The following ABCA6 variants were observed in gnomAD, a reference collection of about 807,000 sequenced individuals.
ABCA6 encodes ATP-binding cassette sub-family A member 6.
ABCA6 carries 164 observed loss-of-function variants against 191.2 expected under a neutral mutation model. That is an observed-to-expected ratio of 0.86 (90% CI 0.76 to 0.98). The LOEUF is 0.98. Among genes scored for constraint, ABCA6 ranks in the 50% least tolerant of loss-of-function variants. The pLI, the probability that ABCA6 is intolerant of heterozygous loss-of-function variation, is 0.00. For missense variants in ABCA6, 1,958 were observed against 1,894.1 expected (o/e 1.03, Z -0.63); for synonymous variants, 636 against 647.7 (o/e 0.98, Z 0.27).
At chr17:69,083,517 T>C (rs926726651) in intron 34 of ABCA6, among the ~76,000 whole-genome samples, 186 bp from the exon 35 acceptor site, 1 of 152,260 alleles carries the variant, frequency 6.6e-6, no homozygotes, top group Non-Finnish European at 1.5e-5. Context: ...AATCATATTG[T>C]AGTTGAGTTA....
chr17:69,126,033 C>G (rs1598052481), intron 8 of ABCA6, among the ~76,000 whole-genome samples: 1 of 152,012 alleles, frequency 6.6e-6, no homozygotes, highest in African/African-American at 2.4e-5. Flanking sequence ...CATTATTGTA[C>G]TAGAGGTCCG....
At position 69,128,748 on chromosome 17, in the gene ABCA6, C is replaced by T. The variant is rs747168111; in HGVS notation, c.990G>A (p.Leu330=). 6.2e-7 allele frequency: 1 copy of T among 1,611,656 alleles called. No homozygotes were observed. The highest frequency in any genetic ancestry group is 1.1e-5 in the South Asian group (1 of 90,692). The stretch of plus-strand genomic sequence containing the variant: ...AAAAGAGGGTAAGGAGAAACACAAC[C>T]AAATTGGTGAGGACAGCTTTCTTTA... The part of the protein sequence containing the change: ...VLLKKAVLTN[L]VVFLLTLFWG... The change falls in exon 8 of 39, where the codon TTG becomes TTA. Residue 330 remains leucine, a synonymous_variant. Coordinates refer to ENST00000284425, the MANE Select transcript of ABCA6 (RefSeq NM_080284.3).
intron 20 of ABCA6, among the ~76,000 whole-genome samples, chr17:69,103,694 C>T (rs1179708833): frequency 6.6e-6 from 1 of 152,004 alleles, no homozygotes; most frequent in African/African-American, 2.4e-5. Flanking sequence ...TGCTCTGAAG[C>T]TATAGTCAGG....
intron 22 of ABCA6, 29 bp downstream of exon 22, chr17:69,100,768 T>A: frequency 6.4e-7 from 1 of 1,565,374 alleles, no homozygotes; most frequent in African/African-American, 1.4e-5. Context: ...AATTCTTAAT[T>A]GTTTAGACTC....
intron 35 of ABCA6, 57 bp downstream of exon 35, chr17:69,083,155 C>A: frequency 6.4e-7 from 1 of 1,561,242 alleles, no homozygotes; most frequent in Non-Finnish European, 8.6e-7. Flanking sequence ...GATTTTTGCC[C>A]TTTCCATGGG....
intron 2 of ABCA6, among the ~76,000 whole-genome samples, chr17:69,139,877 C>T (rs1163556213): frequency 6.9e-6 from 1 of 144,242 alleles, no homozygotes; most frequent in African/African-American, 2.6e-5. Context: ...TGTTCTCACT[C>T]ATAGATGGCA....
At chr17:69,112,311 G>T (rs760239985) in intron 15 of ABCA6, 38 bp from the exon 16 acceptor site, 32 of 1,507,224 alleles carry the variant, frequency 2.1e-5, no homozygotes, top group Non-Finnish European at 6.4e-6. Context: ...GATATTGGGG[G>T]TCATTTCTTC....
In ABCA6 at chr17:69,091,747, C is replaced by T. The variant is rs563146569; in HGVS notation, c.3409-485G>A. On this transcript the variant is annotated intron_variant, in intron 25 of 38. Coordinates refer to ENST00000284425, the MANE Select transcript of ABCA6 (RefSeq NM_080284.3). Reference sequence around the variant, plus strand: ...CCGTTTTAGCCGGGATGGTCTCGATCTCCTGACCTCGTGATCCGCCCGCCT... The same window carrying T: ...CCGTTTTAGCCGGGATGGTCTCGATTTCCTGACCTCGTGATCCGCCCGCCT... 2.0e-3 allele frequency among the ~76,000 whole-genome samples: 43 copies of T among 20,998 alleles called. 17 individuals carry two copies. Among genetic ancestry groups the T allele is most frequent in the Admixed American group, 0.014 (37 of 2,738 alleles). The allele number at this position is 20,998 out of a possible 152,430, so 13.8% of individuals were successfully genotyped here.
chr17:69,098,132 A>G (rs1480404567), intron 22 of ABCA6, 105 bp from the exon 23 acceptor site: 2 of 777,098 alleles, frequency 2.6e-6, no homozygotes, highest in Non-Finnish European at 1.9e-6. Context: ...ATCAAAGTAA[A>G]GGTGTAGCTC....
chr17:69,133,521 C>T, intron 6 of ABCA6, 120 bp downstream of exon 6: 1 of 763,644 alleles, frequency 1.3e-6, no homozygotes, highest in Non-Finnish European at 2.1e-6. Flanking sequence ...AAACTCAGAA[C>T]AAAAGAAAAA....
intron 6 of ABCA6, 77 bp downstream of exon 6, chr17:69,133,564 T>C: frequency 1.8e-6 from 2 of 1,107,242 alleles, no homozygotes; most frequent in Non-Finnish European, 2.6e-6. Context: ...ACCATGATGC[T>C]CTGAAACAAT....
intron 4 of ABCA6, 27 bp from the exon 5 acceptor site, chr17:69,134,769 A>G: frequency 4.0e-6 from 6 of 1,495,416 alleles, no homozygotes; most frequent in African/African-American, 1.4e-5. Context: ...AAGCACAGCC[A>G]ACATTATGGG....
intron 32 of ABCA6, among the ~76,000 whole-genome samples, chr17:69,084,777 CT>C: frequency 6.6e-6 from 1 of 151,284 alleles, no homozygotes; most frequent in Non-Finnish European, 1.5e-5. Context: ...AATTAGAAAA[CT>C]GAAATGGATG....
chr17:69,083,700 G>A (rs926378101), intron 34 of ABCA6, among the ~76,000 whole-genome samples: 3 of 152,254 alleles, frequency 2.0e-5, no homozygotes, highest in Admixed American at 2.0e-4. Flanking sequence ...ATTCATAAGC[G>A]ATTCTCTACA....
chr17:69,084,282 G>T lies in ABCA6; in HGVS notation c.4334C>A (p.Pro1445His). ...LLDEPSTGID[P>H]TGQQQMWQAI... ...TCACCACATTTGCTGCTGCCCTGTGGGGTCTATGCCCGTAGATGGTTCATC... is the reference window on the plus strand; with the variant it reads ...TCACCACATTTGCTGCTGCCCTGTGTGGTCTATGCCCGTAGATGGTTCATC... The change falls in exon 34 of 39, where the codon CCC becomes CAC. Residue 1445 changes from proline to histidine, a missense_variant. Physicochemically the swap from Pro to His is moderately conservative, Grantham distance 77. Transcript: ENST00000284425. 1 of 1,614,056 alleles carries T rather than the reference G, an allele frequency of 6.2e-7. No homozygotes were observed. The highest frequency in any genetic ancestry group is 1.1e-5 in the South Asian group (1 of 91,070).
In ABCA6 at chr17:69,082,984, T is replaced by C. The variant is rs745329177; in HGVS notation, c.4505A>G (p.Asn1502Ser). The C allele has an allele frequency of 6.2e-7, 1 of 1,614,178 alleles. No homozygotes were observed. Among genetic ancestry groups the C allele is most frequent in the South Asian group, 1.1e-5 (1 of 91,078 alleles). Reference protein sequence around the residue: ...RCIGSIQHLKNKLGKDYILEL... With the variant: ...RCIGSIQHLKSKLGKDYILEL... ...TAGAATGTAATCCTTGCCAAGTTTG[T>C]TTTTCAGGTGTTGGATGGAGCCAAT... is the stretch of plus-strand genomic sequence containing the variant. Residue 1502 changes from asparagine to serine, a missense_variant, in exon 36 of 39, where the codon AAC (asparagine) becomes AGC (serine). Transcript: ENST00000284425.
At chr17:69,140,918 G>A (rs1266658003) in intron 1 of ABCA6, among the ~76,000 whole-genome samples, 170 bp from the exon 2 acceptor site, 1 of 152,042 alleles carries the variant, frequency 6.6e-6, no homozygotes, top group African/African-American at 2.4e-5. Flanking sequence ...GTGGGTGATG[G>A]TGGGAAGGCA....
Position 69,079,030 on chromosome 17 carries a change from A to C in ABCA6, c.4797T>G (p.Asp1599Glu). 7 of 1,612,844 alleles carry C rather than the reference A, an allele frequency of 4.3e-6. No individual in the cohort carries two copies. The highest frequency in any genetic ancestry group is 1.7e-4 in the Middle Eastern group (1 of 5,948). ...ATCTCATTGTTGTATCAATTTCTTC[A>C]TCAAAATTTCCTACTTCCTGTTCTT... The part of the protein sequence containing the change: ...LSKEQEVGNF[D>E]EEIDTTMRWK... The change falls in exon 39 of 39, where the codon GAT becomes GAG. Residue 1599 changes from aspartate (D) to glutamate (E), a missense_variant. Coordinates refer to ENST00000284425, the MANE Select transcript of ABCA6 (RefSeq NM_080284.3).
At chr17:69,120,488 T>C (rs1346735673) in intron 10 of ABCA6, among the ~76,000 whole-genome samples, 1 of 152,100 alleles carries the variant, frequency 6.6e-6, no homozygotes. Context: ...TTGTTCCCTG[T>C]GTTGTGTGCT....
Sources: gnomAD v4.1 joint callset for allele counts (sites outside exome capture counted in the v4.1 genomes callset) on GRCh38, gnomAD v4.1.1 for gene constraint, MANE v1.5 for transcripts, NCBI Gene and HGNC (gene_info 2026-07-23, HGNC 2026-07-21) for gene names.